Variants in APOBEC1 observed in about 807,000 individuals in gnomAD.
APOBEC1 encodes apolipoprotein B mRNA editing enzyme catalytic subunit 1.
In APOBEC1, 22 loss-of-function variants were observed where a neutral mutation model predicts 26.3. The ratio of observed to expected loss-of-function variants is 0.84; its 90% confidence interval spans 0.60 to 1.19. The LOEUF (loss-of-function observed/expected upper bound fraction) is 1.19, where lower values mean the gene tolerates loss of function less well. Among genes scored for constraint, APOBEC1 ranks in the 50% most tolerant of loss-of-function variants. APOBEC1 has a pLI of 0.00. For missense variants in APOBEC1, 253 were observed against 289.0 expected (o/e 0.88, Z 0.90); for synonymous variants, 77 against 95.3 (o/e 0.81, Z 1.12).
intron 1 of APOBEC1, among the ~76,000 whole-genome samples, chr12:7,660,294 C>G (rs572642908): frequency 1.3e-4 from 17 of 133,064 alleles, no homozygotes; most frequent in Non-Finnish European, 2.3e-4. Flanking sequence ...CAGAGCAAGA[C>G]TCTGTCTCAA....
At chr12:7,660,375 G>GGACAGAAAGAAAGAAA (rs1863794824) in intron 1 of APOBEC1, among the ~76,000 whole-genome samples, 1 of 23,950 alleles carries the variant, frequency 4.2e-5, no homozygotes, top group African/African-American at 1.3e-4. Context: ...AAGGAAGGAA[G>GGACAGAAAGAAAGAAA]GAAAGAAAGA....
chr12:7,663,999 G>C (rs1387767523), intron 1 of APOBEC1, among the ~76,000 whole-genome samples: 1 of 152,030 alleles, frequency 6.6e-6, no homozygotes, highest in Non-Finnish European at 1.5e-5. Context: ...GGGATTACAG[G>C]CATGTGCTAC....
At chr12:7,666,438 C>T (rs889745030), upstream of APOBEC1, among the ~76,000 whole-genome samples, 6 of 151,900 alleles carry the variant, frequency 3.9e-5, no homozygotes, top group Non-Finnish European at 7.4e-5. Flanking sequence ...GGATTACAGG[C>T]GCCCAACACC....
chr12:7,649,731 A>G (rs1003298952), intron 4 of APOBEC1, 35 bp from the exon 5 acceptor site: 1 of 1,427,838 alleles, frequency 7.0e-7, no homozygotes, highest in Non-Finnish European at 9.7e-7. Context: ...AATCCTTAGG[A>G]TGAATATTTT....
chr12:7,666,226 TTTTTG>T (rs980409900), upstream of APOBEC1, among the ~76,000 whole-genome samples: 2 of 152,134 alleles, frequency 1.3e-5, no homozygotes, highest in Admixed American at 6.6e-5. Flanking sequence ...CCATCATTCT[TTTTTG>T]TTTTGTTTTG....
chr12:7,660,330 GGA>G (rs1565442269), intron 1 of APOBEC1, among the ~76,000 whole-genome samples: 11 of 114,664 alleles, frequency 9.6e-5, no homozygotes, highest in Non-Finnish European at 7.4e-5. Context: ...AAGGAAGGAA[GGA>G]AGGGAAGGAA....
upstream of APOBEC1, among the ~76,000 whole-genome samples, chr12:7,667,435 C>T (rs754729716): frequency 2.6e-5 from 4 of 152,028 alleles, no homozygotes; most frequent in East Asian, 1.9e-4. Context: ...ACCTGAAACC[C>T]GAATCCTACA....
upstream of APOBEC1, among the ~76,000 whole-genome samples, chr12:7,668,255 C>T (rs1863916685): frequency 1.3e-5 from 2 of 152,162 alleles, no homozygotes; most frequent in African/African-American, 4.8e-5. Context: ...CCCCCAGAGC[C>T]TCCAGAAGAA....
chr12:7,669,525 T>C (rs986919225), upstream of APOBEC1, among the ~76,000 whole-genome samples: 1 of 152,124 alleles, frequency 6.6e-6, no homozygotes, highest in Non-Finnish European at 1.5e-5. Context: ...AAGAGTGAAA[T>C]TGCTGGATCA....
chr12:7,666,042 C>G, upstream of APOBEC1: 1 of 732,680 alleles, frequency 1.4e-6, no homozygotes, highest in Admixed American at 1.9e-5. Context: ...AGGGGGCCGA[C>G]TGAGAGGGAC....
rs1407536557 is a variant in APOBEC1, at chr12:7,653,775, A to T, written c.44+830T>A. Among the ~76,000 whole-genome samples the T allele has an allele frequency of 5.3e-5, 8 of 152,196 alleles. No homozygotes were observed. In the South Asian group the frequency reaches 1.4e-3, roughly 28 times the overall value. On this transcript the variant is annotated intron_variant, in intron 2 of 4. Coordinates refer to ENST00000229304, the MANE Select transcript of APOBEC1 (RefSeq NM_001644.5). ...TATTGTCAAGAACAGACAAAAGAGC[A>T]ATTTAGCCTCAAGATTCTTCCACAT...
At chr12:7,659,659 A>G (rs1320144937) in intron 1 of APOBEC1, among the ~76,000 whole-genome samples, 1 of 152,122 alleles carries the variant, frequency 6.6e-6, no homozygotes, top group Non-Finnish European at 1.5e-5. Context: ...AATTTATTTT[A>G]AAAAAGAAAA....
chr12:7,651,922 G>A (rs12297895), intron 3 of APOBEC1, among the ~76,000 whole-genome samples: 8,770 of 149,654 alleles, frequency 0.059, 307 homozygotes, highest in African/African-American at 0.09. Flanking sequence ...CCGGGTTCAC[G>A]CCATTCTCCT....
At chr12:7,659,315 AAAAAAAAATAT>A (rs1348654896) in intron 1 of APOBEC1, among the ~76,000 whole-genome samples, 1 of 94,816 alleles carries the variant, frequency 1.1e-5, no homozygotes, top group East Asian at 2.5e-4. Context: ...AAAAAAAAAA[AAAAAAAAATAT>A]ATATATATAT....
At chr12:7,652,900 T>C in intron 2 of APOBEC1, 65 bp from the exon 3 acceptor site, 14 of 1,242,252 alleles carry the variant, frequency 1.1e-5, no homozygotes, top group Non-Finnish European at 1.5e-5. Flanking sequence ...AATCTTTTCC[T>C]GCTCCCCTCT....
upstream of APOBEC1, among the ~76,000 whole-genome samples, chr12:7,669,491 T>C (rs766679499): frequency 1.3e-5 from 2 of 152,212 alleles, no homozygotes; most frequent in Non-Finnish European, 2.9e-5. Context: ...CATGTCTCTT[T>C]TTCTTCCTCT....
upstream of APOBEC1, among the ~76,000 whole-genome samples, chr12:7,667,207 C>A (rs1401624383): frequency 6.6e-6 from 1 of 152,076 alleles, no homozygotes; most frequent in African/African-American, 2.4e-5. Context: ...CCACCTCTCC[C>A]AGCCACTTCT....
chr12:7,656,456 G>T (rs1863716671), intron 1 of APOBEC1, among the ~76,000 whole-genome samples: 1 of 152,120 alleles, frequency 6.6e-6, no homozygotes, highest in South Asian at 2.1e-4. Flanking sequence ...CTCTAGAGGA[G>T]GAAGTAAAAC....
intron 1 of APOBEC1, among the ~76,000 whole-genome samples, chr12:7,656,258 G>T (rs1863714049): frequency 6.6e-6 from 1 of 152,134 alleles, no homozygotes; most frequent in African/African-American, 2.4e-5. Flanking sequence ...CCATGGTTAT[G>T]AAATCATGCC....
Sources: allele counts gnomAD v4.1 joint callset (sites outside exome capture counted in the v4.1 genomes callset), GRCh38; gene constraint gnomAD v4.1.1; transcripts MANE v1.5; gene names NCBI Gene and HGNC (gene_info 2026-07-23, HGNC 2026-07-21).